The following ANK2 variants were observed in gnomAD, a reference collection of about 807,000 sequenced individuals.
ANK2 encodes ankyrin-2.
A neutral mutation model predicts 360.5 loss-of-function variants in ANK2; 83 were observed. That is an observed-to-expected ratio of 0.23 (90% CI 0.19 to 0.28). The LOEUF is 0.28. ANK2 is among the 10% of genes least tolerant of loss of function. ANK2 has a pLI of 1.00. For synonymous variants in ANK2, 1,740 were observed against 1,759.5 expected, an observed-to-expected ratio of 0.99 and a Z score of 0.28; for missense variants, 4,201 against 4,795.7, an observed-to-expected ratio of 0.88 and a Z score of 3.66.
At chr4:113,089,472 G>A (rs1294234722) in intron 1 of ANK2, among the ~76,000 whole-genome samples, 1 of 152,172 alleles carries the variant, frequency 6.6e-6, no homozygotes, top group Non-Finnish European at 1.5e-5. Flanking sequence ...AATCTAAGAT[G>A]TTACTATGAT....
intron 4 of ANK2, among the ~76,000 whole-genome samples, chr4:113,229,049 A>G (rs2099259187): frequency 6.6e-6 from 1 of 152,166 alleles, no homozygotes; most frequent in Non-Finnish European, 1.5e-5. Flanking sequence ...AAGGGTGTGG[A>G]CACACCAACC....
intron 8 of ANK2, among the ~76,000 whole-genome samples, chr4:113,241,212 A>G (rs551692923): frequency 1.3e-5 from 2 of 152,382 alleles, no homozygotes; most frequent in African/African-American, 4.8e-5. Flanking sequence ...GTGATAGCCA[A>G]TAAAATAAAT....
chr4:113,240,416 C>A, intron 7 of ANK2, 69 bp from the exon 8 acceptor site: 3 of 1,185,880 alleles, frequency 2.5e-6, no homozygotes, highest in Non-Finnish European at 3.8e-6. Flanking sequence ...TGACCTTCTT[C>A]ACTAATACAA....
At chr4:112,786,134 G>A in the ANK2 span, among the ~76,000 whole-genome samples, 1 of 151,358 alleles carries the variant, frequency 6.6e-6, no homozygotes, top group Non-Finnish European at 1.5e-5. Flanking sequence ...GAGCCACCAC[G>A]CACAGCCTAT....
At chr4:113,275,138 T>A (rs2082702933) in intron 15 of ANK2, among the ~76,000 whole-genome samples, 1 of 152,206 alleles carries the variant, frequency 6.6e-6, no homozygotes, top group African/African-American at 2.4e-5. Flanking sequence ...ATTCCCATAT[T>A]AGTTTCCAAC....
chr4:112,978,981 A>G (rs1456283652), intron 2 of ANK2, among the ~76,000 whole-genome samples: 1 of 152,136 alleles, frequency 6.6e-6, no homozygotes, highest in Admixed American at 6.5e-5. Flanking sequence ...AGGTGTTCAT[A>G]TTTTGCAATA....
At position 113,353,863 on chromosome 4, in the gene ANK2, C is replaced by T. The variant is rs1194372734; in HGVS notation, c.5245C>T (p.Pro1749Ser). The change falls in exon 38 of 46, where the codon CCC (proline) becomes TCC (serine). Residue 1749 changes from proline to serine, a missense_variant. Around this residue, in one of 4 missense-constraint regions of ANK2, gnomAD observed 2,642 missense variants for 2,714.5 expected, o/e 0.97. Coordinates refer to ENST00000357077, the MANE Select transcript of ANK2 (RefSeq NM_001148.6). ...EDPGLAPEPL[P>S]TVKATSPLIE... ...CCCAGGTTTAGCCCCTGAACCCCTT[C>T]CCACTGTCAAGGCCACATCTCCTTT... 2 of 1,613,990 alleles carry T rather than the reference C, an allele frequency of 1.2e-6. No homozygotes were observed. Among genetic ancestry groups the T allele is most frequent in the Non-Finnish European group, 1.7e-6 (2 of 1,179,952 alleles).
intron 2 of ANK2, among the ~76,000 whole-genome samples, chr4:112,917,592 A>T (rs1019117252): frequency 6.6e-6 from 1 of 152,250 alleles, no homozygotes; most frequent in Admixed American, 6.5e-5. Context: ...CTGTTTGGTT[A>T]TTAAGATATA....
chr4:113,318,490 A>T (rs766845172), intron 25 of ANK2, 27 bp from the exon 26 acceptor site: 36 of 1,562,340 alleles, frequency 2.3e-5, no homozygotes, highest in Non-Finnish European at 2.6e-5. Context: ...AAGTGTGTTT[A>T]TTCAATCCAG....
At position 113,354,818 on chromosome 4, in the gene ANK2, G is replaced by T; in HGVS notation, c.6200G>T (p.Gly2067Val). 1 of 1,614,126 alleles carries T rather than the reference G, an allele frequency of 6.2e-7. No individual in the cohort carries two copies. The highest frequency in any genetic ancestry group is 8.5e-7 in the Non-Finnish European group (1 of 1,180,004). ...PVTGTAESKR[G>V]VRVSSIGVKK... Reference sequence around the variant, plus strand: ...ACGGGCACAGCAGAATCCAAAAGAGGAGTTCGTGTTTCCTCCATAGGAGTT... The same window carrying T: ...ACGGGCACAGCAGAATCCAAAAGAGTAGTTCGTGTTTCCTCCATAGGAGTT... The change falls in exon 38 of 46, where the codon GGA becomes GTA. Residue 2067 changes from glycine (G) to valine (V), a missense_variant. Transcript: ENST00000357077.
At chr4:113,282,577 T>C (rs1293957134) in intron 17 of ANK2, 98 bp from the exon 18 acceptor site, 2 of 1,188,278 alleles carry the variant, frequency 1.7e-6, no homozygotes, top group Non-Finnish European at 1.2e-6. Context: ...CTTTTAACTC[T>C]TCTATTGATT....
chr4:113,359,173 C>A lies in ANK2; in HGVS notation c.10555C>A (p.Leu3519Met). The stretch of plus-strand genomic sequence containing the variant: ...CCTGGAAGTATCAGTAATTGAAAAT[C>A]TGCCACCTGTTGAGACCGAGCACTC... ...SALEVSVIEN[L>M]PPVETEHSVP... Residue 3519 changes from leucine to methionine, a missense_variant, in exon 38 of 46, where the codon CTG becomes ATG. By Grantham distance (15) the Leu-to-Met change is conservative. Coordinates refer to ENST00000357077, the MANE Select transcript of ANK2 (RefSeq NM_001148.6). 1 of 1,613,370 alleles carries A rather than the reference C, an allele frequency of 6.2e-7. No homozygotes were observed. The highest frequency in any genetic ancestry group is 8.5e-7 in the Non-Finnish European group (1 of 1,179,382).
rs752370736 is a variant in ANK2 at position 113,355,972 on chromosome 4, C to A, written c.7354C>A (p.Pro2452Thr). ...VLEDNSSHKT[P>T]DSLEPSPLKE... ...AGAAGATAACTCTTCACACAAAACC[C>A]CTGATTCTCTGGAGCCAAGTCCTCT... Residue 2452 changes from proline to threonine, a missense_variant, in exon 38 of 46, where the codon CCT becomes ACT. This residue lies in a region of ANK2 where 2,642 missense variants were observed against 2,714.5 expected (regional missense o/e 0.97). Transcript: ENST00000357077. 1 of 1,614,112 alleles carries A rather than the reference C, an allele frequency of 6.2e-7. No homozygotes were observed. Among genetic ancestry groups the A allele is most frequent in the Admixed American group, 1.7e-5 (1 of 60,018 alleles).
intron 1 of ANK2, among the ~76,000 whole-genome samples, chr4:112,866,666 T>G (rs1359823235): frequency 6.6e-6 from 1 of 152,152 alleles, no homozygotes; most frequent in African/African-American, 2.4e-5. Flanking sequence ...TGGTATAAAC[T>G]TTTTGTATGT....
chr4:112,900,516 A>G (rs1484204513), intron 1 of ANK2, among the ~76,000 whole-genome samples: 1 of 152,168 alleles, frequency 6.6e-6, no homozygotes, highest in African/African-American at 2.4e-5. Flanking sequence ...CTTGATAGAC[A>G]CGGGGGACTT....
chr4:113,109,881 G>A (rs1196570767), intron 1 of ANK2, among the ~76,000 whole-genome samples: 1 of 152,084 alleles, frequency 6.6e-6, no homozygotes, highest in Non-Finnish European at 1.5e-5. Context: ...ATTTAGAAGT[G>A]ATATAAAGAC....
At chr4:113,047,439 G>A (rs141301923), upstream of ANK2, among the ~76,000 whole-genome samples, 2 of 152,274 alleles carry the variant, frequency 1.3e-5, no homozygotes, top group African/African-American at 4.8e-5. Context: ...CTCAGTTCCT[G>A]GCACATGATA....
chr4:113,366,144 C>T (rs1345077851), intron 41 of ANK2, among the ~76,000 whole-genome samples: 1 of 152,174 alleles, frequency 6.6e-6, no homozygotes, highest in East Asian at 1.9e-4. Context: ...ATCCATTTCA[C>T]AGGAAACCTC....
At chr4:113,121,934 A>G (rs2095388859) in intron 1 of ANK2, among the ~76,000 whole-genome samples, 1 of 152,162 alleles carries the variant, frequency 6.6e-6, no homozygotes, top group South Asian at 2.1e-4. Flanking sequence ...TTGAGTATAT[A>G]TAATAAAGTT....
Sources: allele counts gnomAD v4.1 joint callset (sites outside exome capture counted in the v4.1 genomes callset), GRCh38; gene constraint gnomAD v4.1.1; regional missense constraint gnomAD v4.1.1; transcripts MANE v1.5; gene names NCBI Gene and HGNC (gene_info 2026-07-23, HGNC 2026-07-21).